SLC38A12: variants seen among roughly 807,000 people sequenced by gnomAD.
SLC38A12 encodes the protein putative sodium-coupled neutral amino acid transporter 12.
chr17:74,807,395 A>C, the SLC38A12 span, among the ~76,000 whole-genome samples: 3 of 152,218 alleles, frequency 2.0e-5, no homozygotes, highest in South Asian at 2.1e-4. Context: ...TGAAGGTTGC[A>C]ATGAGGGAAA....
the SLC38A12 span, among the ~76,000 whole-genome samples, chr17:74,819,465 C>T: frequency 6.6e-6 from 1 of 152,368 alleles, no homozygotes; most frequent in South Asian, 2.1e-4. Flanking sequence ...GAGCAGGACG[C>T]ATGGGGTCCC....
At chr17:74,798,350 G>A in the SLC38A12 span, among the ~76,000 whole-genome samples, 1 of 152,186 alleles carries the variant, frequency 6.6e-6, no homozygotes, top group African/African-American at 2.4e-5. Context: ...TACAGTAACT[G>A]TCTCCAGGGC....
At chr17:74,785,632 G>T in the SLC38A12 span, 1 of 1,607,982 alleles carries the variant, frequency 6.2e-7, no homozygotes, top group Non-Finnish European at 8.5e-7. Context: ...TTCCCCACAG[G>T]GGCCAGGAGT....
the SLC38A12 span, among the ~76,000 whole-genome samples, chr17:74,799,414 G>T: frequency 1.3e-5 from 2 of 152,230 alleles, no homozygotes; most frequent in Admixed American, 6.5e-5. Context: ...GGACAAGGTC[G>T]CCCTGGCCTG....
the SLC38A12 span, chr17:74,837,508 C>A: frequency 1.4e-3 from 1,381 of 985,486 alleles, 11 homozygotes; most frequent in African/African-American, 0.021. Context: ...TAGAGGGAAG[C>A]CATCCCCACC....
chr17:74,838,750 G>C, the SLC38A12 span: 1 of 1,459,722 alleles, frequency 6.9e-7, no homozygotes. Flanking sequence ...ATGGGGCTTG[G>C]GGCCAGGGGC....
chr17:74,830,717 C>T, the SLC38A12 span, among the ~76,000 whole-genome samples: 8 of 152,230 alleles, frequency 5.3e-5, no homozygotes, highest in Non-Finnish European at 1.0e-4. Flanking sequence ...AGGCAGGCAC[C>T]TTCTCTGACT....
chr17:74,816,140 G>A, the SLC38A12 span, among the ~76,000 whole-genome samples: 2 of 152,168 alleles, frequency 1.3e-5, no homozygotes, highest in South Asian at 2.1e-4. Flanking sequence ...CTAGAGAAAC[G>A]GCTCCTCCCT....
chr17:74,835,161 A>G, the SLC38A12 span, among the ~76,000 whole-genome samples: 1 of 152,172 alleles, frequency 6.6e-6, no homozygotes, highest in African/African-American at 2.4e-5. Context: ...CCACTTCCAC[A>G]GAGGGTCCCC....
the SLC38A12 span, chr17:74,785,369 G>A: frequency 6.8e-7 from 1 of 1,460,192 alleles, no homozygotes; most frequent in South Asian, 1.3e-5. Context: ...CCTGTCTACA[G>A]TGTGGCCTTC....
the SLC38A12 span, chr17:74,836,022 C>T: frequency 4.3e-6 from 7 of 1,611,732 alleles, no homozygotes; most frequent in East Asian, 2.2e-5. The surrounding 1 kb of genome is among the most constrained non-coding windows in gnomAD (Gnocchi z 4.2). Context: ...GGTCCGGAAC[C>T]TGTTTGGGGT....
the SLC38A12 span, chr17:74,839,599 G>T: frequency 6.3e-6 from 1 of 158,328 alleles, no homozygotes; most frequent in Non-Finnish European, 1.4e-5. Context: ...TTGGGACCAG[G>T]CAGCCGGGCC....
At chr17:74,821,315 CACCT>C in the SLC38A12 span, among the ~76,000 whole-genome samples, 1 of 152,240 alleles carries the variant, frequency 6.6e-6, no homozygotes, top group Non-Finnish European at 1.5e-5. Context: ...AGCGGGAGGA[CACCT>C]GTCCATCCCT....
chr17:74,818,537 C>G, the SLC38A12 span, among the ~76,000 whole-genome samples: 2 of 152,094 alleles, frequency 1.3e-5, no homozygotes, highest in Middle Eastern at 6.8e-3. Flanking sequence ...GGGGGCGGGA[C>G]AGGCTCAGCT....
chr17:74,804,715 T>G, the SLC38A12 span, among the ~76,000 whole-genome samples: 1 of 152,172 alleles, frequency 6.6e-6, no homozygotes, highest in Admixed American at 6.5e-5. Flanking sequence ...CCTTCAACCA[T>G]GGATTGAGAC....
At chr17:74,819,147 C>T in the SLC38A12 span, among the ~76,000 whole-genome samples, 5 of 152,186 alleles carry the variant, frequency 3.3e-5, no homozygotes, top group African/African-American at 4.8e-5. Flanking sequence ...CGGGTACTTC[C>T]GAGGGGCCTG....
At chr17:74,811,926 G>T in the SLC38A12 span, among the ~76,000 whole-genome samples, 2 of 152,058 alleles carry the variant, frequency 1.3e-5, no homozygotes, top group South Asian at 4.2e-4. Flanking sequence ...TGCATTTGTA[G>T]TCGTAGCTAC....
chr17:74,795,440 G>A, the SLC38A12 span: 14 of 1,203,768 alleles, frequency 1.2e-5, no homozygotes, highest in Non-Finnish European at 1.7e-5. Flanking sequence ...CGCTCAGGCA[G>A]CTGTGCAGGG....
the SLC38A12 span, among the ~76,000 whole-genome samples, chr17:74,818,962 T>C: frequency 6.6e-6 from 1 of 152,218 alleles, no homozygotes; most frequent in South Asian, 2.1e-4. Context: ...CACAGACCAG[T>C]TTTCTGAGAC....
Sources: allele counts gnomAD v4.1 joint callset (sites outside exome capture counted in the v4.1 genomes callset), GRCh38; gene constraint gnomAD v4.1.1; non-coding constraint Gnocchi (gnomAD v3.1); transcripts MANE v1.5; gene names NCBI Gene and HGNC (gene_info 2026-07-23, HGNC 2026-07-21).